The following CLEC6A variants were observed in gnomAD, a reference collection of about 807,000 sequenced individuals.
CLEC6A encodes the protein C-type lectin domain containing 6A.
Under a neutral mutation model 25.7 loss-of-function variants are expected in CLEC6A, and 22 were observed. The observed-to-expected ratio is 0.85, with a 90% CI of 0.61 to 1.22. The LOEUF is 1.22. Ranked by LOEUF, CLEC6A falls within the 50% of genes most tolerant of loss-of-function variation. The pLI is 0.00. For synonymous variants in CLEC6A, 92 were observed against 76.7 expected, an observed-to-expected ratio of 1.20 and a Z score of -1.04; for missense variants, 240 against 236.8, an observed-to-expected ratio of 1.01 and a Z score of -0.09.
Position 8,466,802 on chromosome 12 carries a change from C to T in CLEC6A, c.369+1173C>T, listed in dbSNP as rs1321599405. Among the ~76,000 whole-genome samples, 5 of 150,832 alleles carry T rather than the reference C, an allele frequency of 3.3e-5. No homozygotes were observed. In the East Asian group the frequency reaches 9.9e-4, roughly 30 times the overall value. On this transcript the variant is annotated intron_variant, in intron 4 of 5. Transcript: ENST00000382073. ...CCCGAGTAGCTGGGCTTACAGGTGC[C>T]TGCCACCACGATTGGCTAATTTTTG...
rs1235248545 is a variant in CLEC6A, at chr12:8,477,484, G to A, written c.*20G>A. 1.3e-6 allele frequency: 2 copies of A among 1,570,274 alleles called. No homozygotes were observed. The highest frequency in any genetic ancestry group is 1.4e-5 in the African/African-American group (1 of 72,508). ...CTATGAGTAGAAGCTTAATTGGAAA[G>A]AAGAGAAGAATTACTGACGTAATTT... is the stretch of plus-strand genomic sequence containing the variant. On this transcript the variant is annotated 3_prime_UTR_variant, in exon 6 of 6. Coordinates refer to ENST00000382073, the MANE Select transcript of CLEC6A (RefSeq NM_001007033.2).
chr12:8,469,496 G>A lies in CLEC6A; in HGVS notation c.369+3867G>A, dbSNP rs776682913. On this transcript the variant is annotated intron_variant, in intron 4 of 5. Transcript: ENST00000382073. ...TAGCCAAAGTAAGACTAAGCAAAAA[G>A]AACAGATCTGGAGGCATTACATTAC... is the stretch of plus-strand genomic sequence containing the variant. 5.3e-5 allele frequency among the ~76,000 whole-genome samples: 8 copies of A among 151,484 alleles called. No homozygotes were observed. In the South Asian group the frequency reaches 1.7e-3, roughly 31 times the overall value.
chr12:8,468,781 C>T (rs1479045392), intron 4 of CLEC6A, among the ~76,000 whole-genome samples: 2 of 152,144 alleles, frequency 1.3e-5, no homozygotes, highest in African/African-American at 4.8e-5. Flanking sequence ...ATAGACGGGA[C>T]ATAGCTTGAG....
At chr12:8,462,472 C>G (rs1218825979) in intron 3 of CLEC6A, among the ~76,000 whole-genome samples, 9 of 141,692 alleles carry the variant, frequency 6.4e-5, no homozygotes, top group Admixed American at 5.1e-4. Flanking sequence ...GTATAAAACC[C>G]GATTGTATGT....
At chr12:8,466,196 A>G (rs887913558) in intron 4 of CLEC6A, among the ~76,000 whole-genome samples, 1 of 152,220 alleles carries the variant, frequency 6.6e-6, no homozygotes, top group African/African-American at 2.4e-5. Context: ...CAAGCTAATT[A>G]ATATATCTAT....
intron 2 of CLEC6A, among the ~76,000 whole-genome samples, chr12:8,458,703 A>G (rs1208187340): frequency 6.6e-6 from 1 of 152,198 alleles, no homozygotes; most frequent in African/African-American, 2.4e-5. Context: ...TTATCACCAA[A>G]GTTAGAATCT....
chr12:8,472,297 G>C (rs1565484260), intron 4 of CLEC6A, among the ~76,000 whole-genome samples: 2 of 152,016 alleles, frequency 1.3e-5, no homozygotes, highest in African/African-American at 4.8e-5. Flanking sequence ...AGTCTCTTTA[G>C]AGCAGTAATA....
At position 8,473,837 on chromosome 12, in the gene CLEC6A, AT is replaced by A. The variant is rs759232454; in HGVS notation, c.370-2282del. ...ATTTTTTTCATGATTAGAGATGTGCATTTTTTCTTATGTTTGTTGGCTGCTT... is the reference window on the plus strand; with the variant it reads ...ATTTTTTTCATGATTAGAGATGTGCATTTTTCTTATGTTTGTTGGCTGCTT... On this transcript the variant is annotated intron_variant, in intron 4 of 5. Transcript: ENST00000382073. Among the ~76,000 whole-genome samples, 16 of 151,706 alleles carry A rather than the reference AT, an allele frequency of 1.1e-4. 1 individual carries two copies. The South Asian group carries it at 3.3e-3, about 32-fold the overall frequency.
chr12:8,467,965 C>T (rs532719819), intron 4 of CLEC6A, among the ~76,000 whole-genome samples: 9 of 151,738 alleles, frequency 5.9e-5, no homozygotes, highest in East Asian at 1.9e-4. Flanking sequence ...TTCCCCAAGA[C>T]GGAGTTTTGC....
chr12:8,463,451 A>G (rs1214329162), intron 3 of CLEC6A, among the ~76,000 whole-genome samples: 2 of 152,210 alleles, frequency 1.3e-5, no homozygotes, highest in Non-Finnish European at 2.9e-5. Context: ...ATTTAATGAC[A>G]TTAACTGAAA....
At chr12:8,459,793 G>C (rs1939729532) in intron 3 of CLEC6A, 95 bp downstream of exon 3, 4 of 793,644 alleles carry the variant, frequency 5.0e-6, no homozygotes, top group Non-Finnish European at 8.7e-6. Context: ...GCATTTGTGT[G>C]TGTATGTTTT....
At chr12:8,464,520 AT>A (rs1360980229) in intron 3 of CLEC6A, among the ~76,000 whole-genome samples, 6 of 152,002 alleles carry the variant, frequency 3.9e-5, no homozygotes, top group South Asian at 2.1e-4. Flanking sequence ...TTTAGTAGAG[AT>A]CGGGGTTTCA....
At chr12:8,469,322 A>G (rs1180147354) in intron 4 of CLEC6A, among the ~76,000 whole-genome samples, 3 of 152,176 alleles carry the variant, frequency 2.0e-5, no homozygotes, top group Non-Finnish European at 4.4e-5. Context: ...ATGCTCATGG[A>G]TGATTAGAAT....
intron 3 of CLEC6A, chr12:8,460,684 C>T: frequency 6.7e-7 from 1 of 1,496,030 alleles, no homozygotes; most frequent in Non-Finnish European, 9.3e-7. Context: ...GAGCTTTCTT[C>T]TGAGGGTCCG....
At chr12:8,457,827 T>C (rs757877399) in intron 1 of CLEC6A, 71 bp from the exon 2 acceptor site, 1 of 1,091,480 alleles carries the variant, frequency 9.2e-7, no homozygotes, top group African/African-American at 1.5e-5. Context: ...TGTTCATTGT[T>C]GTAAGCTTCC....
intron 3 of CLEC6A, 79 bp from the exon 4 acceptor site, chr12:8,465,405 C>A: frequency 1.4e-6 from 2 of 1,409,158 alleles, no homozygotes; most frequent in Non-Finnish European, 9.9e-7. Context: ...GAAACTGTCT[C>A]TACAAAGCAA....
intron 1 of CLEC6A, among the ~76,000 whole-genome samples, chr12:8,457,320 CA>C (rs1939690998): frequency 6.6e-6 from 1 of 152,160 alleles, no homozygotes. Context: ...TCAGAATATG[CA>C]ATGTTTGTCT....
At chr12:8,462,088 C>T (rs1028947956) in intron 3 of CLEC6A, among the ~76,000 whole-genome samples, 5 of 152,248 alleles carry the variant, frequency 3.3e-5, no homozygotes, top group Admixed American at 2.0e-4. Flanking sequence ...CTCTGAAACA[C>T]GTGCTGTGTC....
chr12:8,460,744 A>G (rs1939742416), intron 3 of CLEC6A: 6 of 1,442,404 alleles, frequency 4.2e-6, no homozygotes, highest in Middle Eastern at 2.0e-4. Flanking sequence ...TCCCCACCCC[A>G]CCTGGCCTGA....
Sources: gnomAD v4.1 joint callset for allele counts (sites outside exome capture counted in the v4.1 genomes callset) on GRCh38, gnomAD v4.1.1 for gene constraint, MANE v1.5 for transcripts, NCBI Gene and HGNC (gene_info 2026-07-23, HGNC 2026-07-21) for gene names.